SLC14A2: variants seen among roughly 807,000 people sequenced by gnomAD.
The protein encoded by SLC14A2 is solute carrier family 14 member 2, also known as urea transporter 2.
Under a neutral mutation model 104.6 loss-of-function variants are expected in SLC14A2, and 91 were observed. The observed-to-expected ratio is 0.87, with a 90% CI of 0.73 to 1.04. The LOEUF (loss-of-function observed/expected upper bound fraction) is 1.04. Ranked by LOEUF, SLC14A2 falls within the 50% of genes least tolerant of loss-of-function variation. The pLI, the probability that SLC14A2 is intolerant of heterozygous loss-of-function variation, is 0.00. For synonymous variants in SLC14A2, 476 were observed against 466.4 expected, an observed-to-expected ratio of 1.02 and a Z score of -0.27; for missense variants, 1,189 against 1,156.0, an observed-to-expected ratio of 1.03 and a Z score of -0.41.
At chr18:45,245,835 A>G (rs10438963) in intron 1 of SLC14A2, among the ~76,000 whole-genome samples, 20,834 of 152,232 alleles carry the variant, frequency 0.14, 1,527 homozygotes, top group Non-Finnish European at 0.16. Context: ...GTTCTGTTGA[A>G]CACCTCTTCT....
At chr18:45,384,218 G>A (rs950155641) in intron 1 of SLC14A2, among the ~76,000 whole-genome samples, 1 of 152,086 alleles carries the variant, frequency 6.6e-6, no homozygotes, top group Admixed American at 6.5e-5. Flanking sequence ...AAGGAGGAGT[G>A]AGAACAAGTG....
intron 1 of SLC14A2, among the ~76,000 whole-genome samples, chr18:45,411,247 T>G (rs2086212078): frequency 6.6e-6 from 1 of 152,212 alleles, no homozygotes; most frequent in South Asian, 2.1e-4. Flanking sequence ...ACACAGGAGC[T>G]TAATGTGTAA....
rs560742689 is a variant in SLC14A2, at chr18:45,214,287, G to T, written c.-125+1096G>T. Among the ~76,000 whole-genome samples the T allele has an allele frequency of 2.6e-5, 4 of 152,290 alleles. No homozygotes were observed. The South Asian group carries it at 8.3e-4, about 32-fold the overall frequency. ...GGGTTTGTTTTGGCAACAGTTGAAT[G>T]CTCAAGTTTGCCTTCCTCCTCCTCT... is the stretch of plus-strand genomic sequence containing the variant. On this transcript the variant is annotated intron_variant, in intron 1 of 20. Coordinates refer to the SLC14A2 transcript ENST00000586448.
chr18:45,433,626 A>G (rs1247863378), intron 1 of SLC14A2, among the ~76,000 whole-genome samples: 1 of 152,234 alleles, frequency 6.6e-6, no homozygotes, highest in Non-Finnish European at 1.5e-5. Flanking sequence ...TCCAGCCATG[A>G]TATGACATCA....
At chr18:45,582,218 G>A (rs188877158) in intron 2 of SLC14A2, among the ~76,000 whole-genome samples, 1 of 152,304 alleles carries the variant, frequency 6.6e-6, no homozygotes, top group African/African-American at 2.4e-5. Context: ...ACATGGTCTA[G>A]GTAGACAAGC....
At chr18:45,540,675 G>A (rs2043871723) in intron 2 of SLC14A2, among the ~76,000 whole-genome samples, 1 of 152,134 alleles carries the variant, frequency 6.6e-6, no homozygotes, top group African/African-American at 2.4e-5. Context: ...AATCTGGGAA[G>A]TGGAGTTTGC....
At chr18:45,604,554 C>G (rs2044839401) in intron 2 of SLC14A2, among the ~76,000 whole-genome samples, 1 of 152,148 alleles carries the variant, frequency 6.6e-6, no homozygotes, top group Non-Finnish European at 1.5e-5. Context: ...TATGTTATAT[C>G]AGAGGATACA....
intron 10 of SLC14A2, among the ~76,000 whole-genome samples, chr18:45,652,101 GT>G (rs1467721418): frequency 6.6e-6 from 1 of 152,210 alleles, no homozygotes; most frequent in Non-Finnish European, 1.5e-5. Context: ...CCTAAACTTT[GT>G]TTTCTTGGGT....
intron 2 of SLC14A2, among the ~76,000 whole-genome samples, chr18:45,604,904 T>C (rs946315074): frequency 4.6e-5 from 7 of 152,178 alleles, no homozygotes; most frequent in Admixed American, 3.3e-4. Context: ...GAGCTCACAA[T>C]CAGAACAAAG....
chr18:45,255,627 G>A (rs2084469468), intron 1 of SLC14A2, among the ~76,000 whole-genome samples: 1 of 152,310 alleles, frequency 6.6e-6, no homozygotes, highest in African/African-American at 2.4e-5. Flanking sequence ...GGTCTGCTCA[G>A]GACCACATGT....
At position 45,273,988 on chromosome 18, in the gene SLC14A2, A is replaced by G. The variant is rs146771382; in HGVS notation, c.-125+60797A>G. Among the ~76,000 whole-genome samples, 877 of 152,330 alleles carry G rather than the reference A, an allele frequency of 5.8e-3. 12 individuals are homozygous for G. Among genetic ancestry groups the G allele is most frequent in the African/African-American group, 0.02 (834 of 41,586 alleles). Reference sequence around the variant, plus strand: ...TTAATTTGAGTTTTAATTCTAAGACAGAACTAATGAGAATTAGGTGCAAGA... The same window carrying G: ...TTAATTTGAGTTTTAATTCTAAGACGGAACTAATGAGAATTAGGTGCAAGA... On this transcript the variant is annotated intron_variant, in intron 1 of 20. Coordinates refer to the SLC14A2 transcript ENST00000586448.
Position 45,308,222 on chromosome 18 carries a change from G to A in SLC14A2, c.-125+95031G>A, listed in dbSNP as rs139464285. On this transcript the variant is annotated intron_variant, in intron 1 of 20. Transcript: ENST00000586448. ...GGGATCATACACCCAAACCATGTAA[G>A]TTGCTTACTATGTGCTAAGCTCTGT... is the stretch of plus-strand genomic sequence containing the variant. Among the ~76,000 whole-genome samples the A allele has an allele frequency of 7.2e-5, 11 of 152,288 alleles. No individual in the cohort carries two copies. In the East Asian group the frequency reaches 2.1e-3, roughly 29 times the overall value.
chr18:45,569,553 CACA>C (rs1431614949), intron 2 of SLC14A2, among the ~76,000 whole-genome samples: 1 of 152,210 alleles, frequency 6.6e-6, no homozygotes, highest in Non-Finnish European at 1.5e-5. Flanking sequence ...TTAGCCATCT[CACA>C]ACAATATATC....
the SLC14A2 span, among the ~76,000 whole-genome samples, chr18:45,207,392 G>A: frequency 6.8e-6 from 1 of 146,476 alleles, no homozygotes; most frequent in Non-Finnish European, 1.5e-5. Flanking sequence ...AGGAAAGGGA[G>A]GGGGGAGGAA....
intron 1 of SLC14A2, 37 bp from the exon 2 acceptor site, chr18:45,624,594 C>T: frequency 6.6e-7 from 1 of 1,519,620 alleles, no homozygotes; most frequent in Non-Finnish European, 8.9e-7. Flanking sequence ...TGGGCCCCGT[C>T]CTGACTCACT....
intron 1 of SLC14A2, among the ~76,000 whole-genome samples, chr18:45,384,217 T>G (rs3095772): frequency 6.6e-6 from 1 of 151,764 alleles, no homozygotes; most frequent in Non-Finnish European, 1.5e-5. Context: ...AAAGGAGGAG[T>G]GAGAACAAGT....
intron 1 of SLC14A2, among the ~76,000 whole-genome samples, chr18:45,368,513 C>T (rs924094262): frequency 6.6e-6 from 1 of 152,208 alleles, no homozygotes; most frequent in African/African-American, 2.4e-5. Context: ...GAAGAACCCA[C>T]ACTTCCTGCC....
At chr18:45,264,483 GT>G (rs201591989) in intron 1 of SLC14A2, among the ~76,000 whole-genome samples, 1 of 151,746 alleles carries the variant, frequency 6.6e-6, no homozygotes, top group East Asian at 1.9e-4. Context: ...GTATTAGTCC[GT>G]TTTTTTTGCT....
At chr18:45,511,935 A>C (rs1346375175) in intron 2 of SLC14A2, among the ~76,000 whole-genome samples, 1 of 152,192 alleles carries the variant, frequency 6.6e-6, no homozygotes, top group Non-Finnish European at 1.5e-5. Flanking sequence ...GAGGAGGAGC[A>C]GTGTTTGAAG....
Sources: gnomAD v4.1 joint callset for allele counts (sites outside exome capture counted in the v4.1 genomes callset) on GRCh38, gnomAD v4.1.1 for gene constraint, MANE v1.5 for transcripts, NCBI Gene and HGNC (gene_info 2026-07-23, HGNC 2026-07-21) for gene names.